The following PI4K2B variants were observed in gnomAD, a reference collection of about 807,000 sequenced individuals.
The protein encoded by PI4K2B is phosphatidylinositol 4-kinase type 2 beta.
A neutral mutation model predicts 56.6 loss-of-function variants in PI4K2B; 46 were observed. That is an observed-to-expected ratio of 0.81 (90% CI 0.64 to 1.04). The LOEUF is 1.04. Among genes scored for constraint, PI4K2B ranks in the 50% least tolerant of loss-of-function variants. The pLI is 0.00. For missense variants in PI4K2B, 556 were observed against 607.7 expected (o/e 0.91, Z 0.89); for synonymous variants, 211 against 223.8 (o/e 0.94, Z 0.51).
chr4:25,236,759 G>GT (rs1233223934), intron 1 of PI4K2B, among the ~76,000 whole-genome samples: 1 of 152,006 alleles, frequency 6.6e-6, no homozygotes, highest in Non-Finnish European at 1.5e-5. Context: ...CCCCTTTTCC[G>GT]TTTTGCCATG....
chr4:25,240,325 G>T (rs1715460577), intron 1 of PI4K2B, among the ~76,000 whole-genome samples: 1 of 152,218 alleles, frequency 6.6e-6, no homozygotes, highest in South Asian at 2.1e-4. Flanking sequence ...GAGATTCACT[G>T]CTGCCAAAGA....
chr4:25,250,454 G>C (rs1341470726), intron 1 of PI4K2B: 1 of 152,266 alleles, frequency 6.6e-6, no homozygotes, highest in Admixed American at 6.5e-5. Flanking sequence ...AGAAGGTGGA[G>C]GGTAGGAGGA....
chr4:25,273,168 T>C (rs1716970694), intron 9 of PI4K2B, among the ~76,000 whole-genome samples: 1 of 151,886 alleles, frequency 6.6e-6, no homozygotes, highest in Admixed American at 6.6e-5. Flanking sequence ...ATAATGTTTA[T>C]GAACGTTAAA....
At chr4:25,245,551 G>A (rs1023947850) in intron 1 of PI4K2B, among the ~76,000 whole-genome samples, 1 of 152,138 alleles carries the variant, frequency 6.6e-6, no homozygotes, top group African/African-American at 2.4e-5. Context: ...GCAAACCAAC[G>A]CTCCCAACTC....
chr4:25,238,617 C>T (rs896452410), intron 1 of PI4K2B, among the ~76,000 whole-genome samples: 2 of 151,966 alleles, frequency 1.3e-5, no homozygotes, highest in Non-Finnish European at 2.9e-5. Context: ...AGTGAAGCTG[C>T]GACCTTCACG....
intron 2 of PI4K2B, among the ~76,000 whole-genome samples, 168 bp downstream of exon 2, chr4:25,252,643 C>T (rs977202121): frequency 7.9e-5 from 12 of 152,026 alleles, no homozygotes; most frequent in Non-Finnish European, 1.8e-4. Flanking sequence ...CCCGGGGTCG[C>T]CCTCTCTTAC....
chr4:25,245,889 C>G (rs544458694), intron 1 of PI4K2B, among the ~76,000 whole-genome samples: 1 of 151,990 alleles, frequency 6.6e-6, no homozygotes, highest in African/African-American at 2.4e-5. Context: ...TGGCAATAGG[C>G]GATAGTCCCA....
chr4:25,259,465 C>T (rs1196692024), intron 5 of PI4K2B, among the ~76,000 whole-genome samples: 1 of 152,086 alleles, frequency 6.6e-6, no homozygotes, highest in Non-Finnish European at 1.5e-5. Flanking sequence ...ATGTTATCTG[C>T]ATAATGTGAG....
intron 6 of PI4K2B, among the ~76,000 whole-genome samples, chr4:25,261,871 T>C (rs1482252848): frequency 1.3e-5 from 2 of 152,204 alleles, no homozygotes; most frequent in African/African-American, 4.8e-5. Context: ...ATTGTACTTG[T>C]TAATATAGGA....
chr4:25,257,361 C>G (rs1233471181), intron 4 of PI4K2B, among the ~76,000 whole-genome samples: 1 of 152,098 alleles, frequency 6.6e-6, no homozygotes, highest in South Asian at 2.1e-4. Context: ...TGTGCCTGGC[C>G]AAGTTCCTTA....
intron 1 of PI4K2B, among the ~76,000 whole-genome samples, chr4:25,241,461 G>A (rs561218064): frequency 3.9e-5 from 6 of 152,330 alleles, no homozygotes; most frequent in African/African-American, 7.2e-5. Flanking sequence ...AGTCATGCTC[G>A]ATTGGTTCCC....
chr4:25,249,553 C>T (rs1353129272), intron 1 of PI4K2B, among the ~76,000 whole-genome samples: 29 of 149,120 alleles, frequency 1.9e-4, no homozygotes, highest in African/African-American at 5.5e-4. Context: ...GGGCGGCTGC[C>T]GGGCGGAGGG....
chr4:25,263,899 A>G lies in PI4K2B; in HGVS notation c.1078+50A>G, dbSNP rs753969411. The G allele has an allele frequency of 6.4e-6, 5 of 780,574 alleles. No individual in the cohort carries two copies. The East Asian group carries it at 1.3e-4, about 20-fold the overall frequency. 48.4% of individuals were successfully genotyped at this position (780,574 alleles called of 1,614,324 possible). On this transcript the variant is annotated intron_variant, in intron 7 of 9. Coordinates refer to ENST00000264864, the MANE Select transcript of PI4K2B (RefSeq NM_018323.4). Reference sequence around the variant, plus strand: ...AGTCTATAATTACCTTTTTTCCAGAATGAGAAGGGAAAAAAATTTACAGAT... The same window carrying G: ...AGTCTATAATTACCTTTTTTCCAGAGTGAGAAGGGAAAAAAATTTACAGAT...
chr4:25,260,125 C>G (rs886182420), intron 5 of PI4K2B, among the ~76,000 whole-genome samples: 9 of 152,156 alleles, frequency 5.9e-5, no homozygotes, highest in African/African-American at 2.2e-4. Flanking sequence ...ATAGTCTAGA[C>G]TACTTCTATG....
At chr4:25,240,872 T>C (rs1425524604) in intron 1 of PI4K2B, among the ~76,000 whole-genome samples, 1 of 152,116 alleles carries the variant, frequency 6.6e-6, no homozygotes, top group East Asian at 1.9e-4. Context: ...TCTCTCTGTC[T>C]CCTTCTCTTT....
intron 9 of PI4K2B, among the ~76,000 whole-genome samples, chr4:25,273,869 C>A (rs1717002843): frequency 6.6e-6 from 1 of 152,222 alleles, no homozygotes; most frequent in Admixed American, 6.5e-5. Flanking sequence ...AACAGTGCAT[C>A]TACCTTTATC....
chr4:25,245,709 A>G (rs1317590295), intron 1 of PI4K2B, among the ~76,000 whole-genome samples: 2 of 152,140 alleles, frequency 1.3e-5, no homozygotes, highest in Admixed American at 1.3e-4. Flanking sequence ...CAGAATAGCA[A>G]GTGAAAGGGG....
chr4:25,238,562 C>T (rs1250817847), intron 1 of PI4K2B, among the ~76,000 whole-genome samples: 1 of 152,018 alleles, frequency 6.6e-6, no homozygotes, highest in Non-Finnish European at 1.5e-5. Flanking sequence ...CGGATGTGTT[C>T]GGAGTTTCTT....
chr4:25,258,288 A>T (rs540650257), intron 4 of PI4K2B, among the ~76,000 whole-genome samples: 98 of 144,360 alleles, frequency 6.8e-4, no homozygotes, highest in South Asian at 3.1e-3. Context: ...GCTCACTGTA[A>T]CCTCTGCCTC....
Sources: gnomAD v4.1 joint callset for allele counts (sites outside exome capture counted in the v4.1 genomes callset) on GRCh38, gnomAD v4.1.1 for gene constraint, MANE v1.5 for transcripts, NCBI Gene and HGNC (gene_info 2026-07-23, HGNC 2026-07-21) for gene names.